CUX1: variants seen among roughly 807,000 people sequenced by gnomAD.
CUX1 encodes protein CASP.
Under a neutral mutation model 158.8 loss-of-function variants are expected in CUX1, and 31 were observed. That is an observed-to-expected ratio of 0.20 (90% CI 0.15 to 0.26). CUX1 has a LOEUF of 0.26. Among genes scored for constraint, CUX1 ranks in the 10% least tolerant of loss-of-function variants. CUX1 has a pLI of 1.00. For synonymous variants in CUX1, 879 were observed against 862.1 expected, an observed-to-expected ratio of 1.02 and a Z score of -0.34; for missense variants, 1,589 against 2,014.6, an observed-to-expected ratio of 0.79 and a Z score of 4.04.
intron 2 of CUX1, among the ~76,000 whole-genome samples, chr7:101,977,998 A>G (rs767596303): frequency 6.6e-6 from 1 of 151,212 alleles, no homozygotes; most frequent in Non-Finnish European, 1.5e-5. Flanking sequence ...TCTGAGATAC[A>G]GGCTCTCCTG....
intron 6 of CUX1, among the ~76,000 whole-genome samples, chr7:102,109,975 A>AT (rs1263729013): frequency 6.6e-6 from 1 of 152,194 alleles, no homozygotes; most frequent in East Asian, 1.9e-4. Context: ...TAAGTTAATT[A>AT]TTTAATAAGA....
chr7:102,108,736 TTGTG>T (rs10527026), intron 6 of CUX1, among the ~76,000 whole-genome samples: 2,156 of 144,972 alleles, frequency 0.015, 38 homozygotes, highest in African/African-American at 0.039. Context: ...TTCATTCATT[TTGTG>T]TGTGTGTGTG....
chr7:102,249,334 T>TTGCGCACTTACC lies in CUX1; in HGVS notation c.*293_*304dup. On this transcript the variant is annotated 3_prime_UTR_variant, in exon 24 of 24. Transcript: ENST00000292535. Reference sequence around the variant, plus strand: ...CCGCGGCCTGGACCCCTGGACCGCTTTGCGCACTTACCGCCCTGCGGGCCA... The same window carrying TTGCGCACTTACC: ...CCGCGGCCTGGACCCCTGGACCGCTTTGCGCACTTACCTGCGCACTTACCGCCCTGCGGGCCA... 2 of 1,017,110 alleles carry TTGCGCACTTACC rather than the reference T, an allele frequency of 2.0e-6. No individual in the cohort carries two copies. Among genetic ancestry groups the TTGCGCACTTACC allele is most frequent in the Non-Finnish European group, 2.4e-6 (2 of 850,064 alleles). 63.0% of individuals were successfully genotyped at this position (1,017,110 alleles called of 1,614,324 possible).
chr7:101,866,115 A>G (rs1197208648), intron 1 of CUX1, among the ~76,000 whole-genome samples: 1 of 151,988 alleles, frequency 6.6e-6, no homozygotes, highest in Admixed American at 6.6e-5. Context: ...GCTTGAGCCC[A>G]GGAATTTGAG....
Position 101,952,529 on chromosome 7 carries a change from C to T in CUX1, c.141+36304C>T, listed in dbSNP as rs115561536. The stretch of plus-strand genomic sequence containing the variant: ...CTGCTACGGAACCCCGAGTACCTTT[C>T]AGAACATGTTGACCTCATTCGCAGG... On this transcript the variant is annotated intron_variant, in intron 2 of 23. Transcript: ENST00000292535. 6.9e-3 allele frequency among the ~76,000 whole-genome samples: 1,048 copies of T among 152,322 alleles called. 12 individuals carry two copies. Among genetic ancestry groups the T allele is most frequent in the African/African-American group, 0.024 (993 of 41,566 alleles).
At chr7:101,839,305 A>T (rs1036190469) in intron 1 of CUX1, among the ~76,000 whole-genome samples, 12 of 151,984 alleles carry the variant, frequency 7.9e-5, no homozygotes, top group African/African-American at 2.9e-4. Flanking sequence ...CCCTCCCCCA[A>T]GCCCCTCCAT....
intron 2 of CUX1, among the ~76,000 whole-genome samples, chr7:101,940,533 C>T (rs1032277453): frequency 6.6e-6 from 1 of 152,044 alleles, no homozygotes; most frequent in East Asian, 1.9e-4. Flanking sequence ...TAAAGACGCT[C>T]TTCTAGTATT....
intron 8 of CUX1, chr7:102,115,658 C>T (rs1280040496): frequency 1.7e-5 from 3 of 176,772 alleles, no homozygotes; most frequent in African/African-American, 2.4e-5. Context: ...AGAATAAGCA[C>T]ATTCCCACGC....
At chr7:102,265,585 C>G (rs1452922729) in intron 14 of CUX1, among the ~76,000 whole-genome samples, 4 of 151,928 alleles carry the variant, frequency 2.6e-5, no homozygotes, top group South Asian at 2.1e-4. Flanking sequence ...CAGGCGTGCA[C>G]CACCACACAC....
intron 1 of CUX1, among the ~76,000 whole-genome samples, chr7:101,848,307 T>C (rs1466263205): frequency 6.6e-6 from 1 of 152,110 alleles, no homozygotes; most frequent in East Asian, 1.9e-4. Context: ...GTTGGCATAA[T>C]GTCTTTTTAA....
intron 5 of CUX1, among the ~76,000 whole-genome samples, chr7:102,100,287 A>G (rs1013531361): frequency 2.0e-5 from 3 of 152,176 alleles, no homozygotes; most frequent in Non-Finnish European, 4.4e-5. Flanking sequence ...CTAAAAAAGA[A>G]TGGCTCTGGA....
intron 1 of CUX1, among the ~76,000 whole-genome samples, chr7:101,821,274 A>AT (rs952217693): frequency 6.6e-6 from 1 of 151,120 alleles, no homozygotes; most frequent in African/African-American, 2.4e-5. Context: ...AAAATTCTAC[A>AT]TTTAGAGAAT....
At chr7:102,070,526 A>G (rs1826011077) in intron 4 of CUX1, 109 bp downstream of exon 4, 1 of 752,898 alleles carries the variant, frequency 1.3e-6, no homozygotes, top group East Asian at 2.7e-5. Flanking sequence ...ATACACCATC[A>G]GTGGCAACTT....
At position 102,130,374 on chromosome 7, in the gene CUX1, GA is replaced by G. The variant is rs534809978; in HGVS notation, c.674+15107del. The stretch of plus-strand genomic sequence containing the variant: ...CTCTGATTTTCCTAAAGAGGGTTGG[GA>G]AAAAATAAAAATTATGTAGTGTTGG... On this transcript the variant is annotated intron_variant, in intron 8 of 23. Transcript: ENST00000292535. 2.7e-3 allele frequency among the ~76,000 whole-genome samples: 404 copies of G among 152,174 alleles called. 2 individuals carry two copies. Among genetic ancestry groups the G allele is most frequent in the African/African-American group, 9.5e-3 (393 of 41,532 alleles).
chr7:101,921,074 T>C (rs1043798011), intron 2 of CUX1, among the ~76,000 whole-genome samples: 2 of 152,102 alleles, frequency 1.3e-5, no homozygotes, highest in Non-Finnish European at 2.9e-5. Context: ...ATCACCCACC[T>C]TGGCTTCCCA....
intron 2 of CUX1, among the ~76,000 whole-genome samples, chr7:102,000,716 A>G (rs1816590386): frequency 6.6e-6 from 1 of 152,158 alleles, no homozygotes; most frequent in South Asian, 2.1e-4. Flanking sequence ...TTTTATGTGC[A>G]GGAATGCTGG....
At chr7:101,832,317 G>A (rs1342271721) in intron 1 of CUX1, among the ~76,000 whole-genome samples, 3 of 152,268 alleles carry the variant, frequency 2.0e-5, no homozygotes, top group East Asian at 3.9e-4. Context: ...GCATCCAGAG[G>A]GGTGCGAAAA....
intron 16 of CUX1, 54 bp from the exon 17 acceptor site, chr7:102,200,017 T>G: frequency 6.7e-7 from 1 of 1,488,838 alleles, no homozygotes; most frequent in South Asian, 1.2e-5. Context: ...CGCGCAGCGC[T>G]GATTTTTGTC....
At chr7:102,049,668 C>T (rs1823247859) in intron 3 of CUX1, among the ~76,000 whole-genome samples, 1 of 151,776 alleles carries the variant, frequency 6.6e-6, no homozygotes, top group Admixed American at 6.6e-5. Context: ...AGTGAGATCC[C>T]ATCTCTACCA....
Sources: allele counts gnomAD v4.1 joint callset (sites outside exome capture counted in the v4.1 genomes callset), GRCh38; gene constraint gnomAD v4.1.1; transcripts MANE v1.5; gene names NCBI Gene and HGNC (gene_info 2026-07-23, HGNC 2026-07-21).